Variants in EPS15L1 observed in about 807,000 individuals in gnomAD.
EPS15L1 encodes epidermal growth factor receptor pathway substrate 15 like 1.
Under a neutral mutation model 117.1 loss-of-function variants are expected in EPS15L1, and 43 were observed. The observed-to-expected ratio is 0.37, with a 90% CI of 0.29 to 0.47. The LOEUF (loss-of-function observed/expected upper bound fraction) is 0.47. Among genes scored for constraint, EPS15L1 ranks in the 20% least tolerant of loss-of-function variants. The pLI is 0.99. For synonymous variants in EPS15L1, 459 were observed against 470.5 expected (o/e 0.98, Z 0.32); for missense variants, 981 against 1,164.0 (o/e 0.84, Z 2.29).
intron 22 of EPS15L1, among the ~76,000 whole-genome samples, chr19:16,368,009 G>C (rs2092163210): frequency 6.6e-6 from 1 of 151,878 alleles, no homozygotes; most frequent in Non-Finnish European, 1.5e-5. Flanking sequence ...GTGTGTGTTT[G>C]ATCCTGGCTA....
chr19:16,385,103 G>A lies in EPS15L1; in HGVS notation c.2247+26C>T, dbSNP rs767190065. 2.8e-5 allele frequency: 45 copies of A among 1,596,770 alleles called. No individual in the cohort carries two copies. The Middle Eastern group carries it at 1.8e-3, about 65-fold the overall frequency. ...GAGGCACAAAGACACTAGCAGAGGC[G>A]CGGGGGCTCCGTGGAGGGGCTTTAC... On this transcript the variant is annotated intron_variant, in intron 21 of 23. Coordinates refer to ENST00000455140, the MANE Select transcript of EPS15L1 (RefSeq NM_001258374.3).
At chr19:16,364,435 C>T (rs1041164484) in intron 22 of EPS15L1, among the ~76,000 whole-genome samples, 3 of 152,180 alleles carry the variant, frequency 2.0e-5, no homozygotes, top group African/African-American at 7.2e-5. Flanking sequence ...CCAGATGTCC[C>T]TCCCACCTTC....
intron 15 of EPS15L1, 103 bp from the exon 16 acceptor site, chr19:16,402,588 C>T: frequency 1.7e-6 from 2 of 1,156,654 alleles, no homozygotes; most frequent in Non-Finnish European, 2.4e-6. Flanking sequence ...GTCACCCAGA[C>T]TGGAATGTAG....
At chr19:16,406,394 T>G (rs2092656783) in intron 13 of EPS15L1, among the ~76,000 whole-genome samples, 1 of 152,058 alleles carries the variant, frequency 6.6e-6, no homozygotes, top group Non-Finnish European at 1.5e-5. Flanking sequence ...AAACATAAAG[T>G]CAGGCGTGTC....
At chr19:16,419,772 C>G (rs750565169) in intron 10 of EPS15L1, among the ~76,000 whole-genome samples, 3 of 152,226 alleles carry the variant, frequency 2.0e-5, no homozygotes, top group Admixed American at 6.5e-5. Context: ...CCCCACAGTT[C>G]GAGGCCCTGA....
chr19:16,424,434 C>T (rs989854346), intron 9 of EPS15L1, among the ~76,000 whole-genome samples: 2 of 151,644 alleles, frequency 1.3e-5, no homozygotes, highest in African/African-American at 2.4e-5. Flanking sequence ...GTGACCTGTG[C>T]CTACCAGTGA....
At chr19:16,362,826 C>A (rs952297647) in intron 22 of EPS15L1, among the ~76,000 whole-genome samples, 62 of 152,050 alleles carry the variant, frequency 4.1e-4, no homozygotes, top group Non-Finnish European at 1.2e-4. Flanking sequence ...TCTTTTTTAG[C>A]CCCCACTTCT....
chr19:16,461,878 T>C (rs991839741), intron 1 of EPS15L1, among the ~76,000 whole-genome samples: 1 of 152,210 alleles, frequency 6.6e-6, no homozygotes, highest in Non-Finnish European at 1.5e-5. Flanking sequence ...TTCTGTCAAC[T>C]ACCCTCAAAG....
chr19:16,406,669 AC>A (rs2092659904), intron 13 of EPS15L1, among the ~76,000 whole-genome samples: 1 of 152,178 alleles, frequency 6.6e-6, no homozygotes, highest in African/African-American at 2.4e-5. Context: ...GGGCTCCAAC[AC>A]CTTTGGCCTG....
At position 16,471,839 on chromosome 19, in the gene EPS15L1, C is replaced by G. The variant is rs1015140177; in HGVS notation, c.33+74G>C. 1.1e-6 allele frequency: 1 copy of G among 884,462 alleles called. No homozygotes were observed. Among genetic ancestry groups the G allele is most frequent in the Admixed American group, 4.1e-5 (1 of 24,152 alleles). The allele number at this position is 884,462 out of a possible 1,614,324, so 54.8% of individuals were successfully genotyped here. ...GCCGCCGCCTGGCTGAGTCTCCCAG[C>G]GCCTCAGCCTCGCCGCACCGCTCGC... On this transcript the variant is annotated intron_variant, in intron 1 of 23. Coordinates refer to ENST00000455140, the MANE Select transcript of EPS15L1 (RefSeq NM_001258374.3). The surrounding 1 kb of genome is among the most constrained non-coding windows in gnomAD (Gnocchi z 4.8).
At chr19:16,368,803 C>T (rs1337889426) in intron 22 of EPS15L1, among the ~76,000 whole-genome samples, 3 of 152,216 alleles carry the variant, frequency 2.0e-5, no homozygotes. Context: ...GTCATTCACC[C>T]TACACAACAG....
intron 16 of EPS15L1, 43 bp from the exon 17 acceptor site, chr19:16,395,510 T>G: frequency 6.3e-7 from 1 of 1,596,564 alleles, no homozygotes; most frequent in Non-Finnish European, 8.6e-7. Context: ...TTATTATTTC[T>G]GAGTTAAAGC....
At chr19:16,429,897 C>T (rs1052035765) in intron 7 of EPS15L1, among the ~76,000 whole-genome samples, 2 of 152,270 alleles carry the variant, frequency 1.3e-5, no homozygotes, top group African/African-American at 2.4e-5. Flanking sequence ...GGATCATGCT[C>T]TGGGGTGTGG....
chr19:16,446,550 C>G (rs2093085182), intron 1 of EPS15L1, among the ~76,000 whole-genome samples: 1 of 152,204 alleles, frequency 6.6e-6, no homozygotes. Flanking sequence ...GGTAATATTA[C>G]TAGTCCAGTT....
At chr19:16,414,020 G>A (rs1365575533) in intron 12 of EPS15L1, among the ~76,000 whole-genome samples, 175 bp from the exon 13 acceptor site, 1 of 152,180 alleles carries the variant, frequency 6.6e-6, no homozygotes, top group African/African-American at 2.4e-5. Flanking sequence ...ACTGTAGGTA[G>A]GACCTGTGAC....
At chr19:16,428,030 G>C (rs2092889711) in intron 8 of EPS15L1, among the ~76,000 whole-genome samples, 1 of 147,172 alleles carries the variant, frequency 6.8e-6, no homozygotes. Context: ...GTGAAACCCT[G>C]TCTCTACTAA....
intron 15 of EPS15L1, among the ~76,000 whole-genome samples, chr19:16,403,143 G>A (rs894488927): frequency 3.3e-5 from 5 of 152,118 alleles, no homozygotes; most frequent in Non-Finnish European, 7.4e-5. Context: ...TGTGTAGACT[G>A]GATGCCCAGG....
intron 1 of EPS15L1, among the ~76,000 whole-genome samples, chr19:16,453,944 C>T (rs2093170713): frequency 6.6e-6 from 1 of 150,968 alleles, no homozygotes; most frequent in Admixed American, 6.6e-5. Flanking sequence ...CCTAATGGCA[C>T]AAGCTGCGTC....
chr19:16,399,866 C>A (rs999688207), intron 16 of EPS15L1, among the ~76,000 whole-genome samples: 1 of 152,088 alleles, frequency 6.6e-6, no homozygotes, highest in African/African-American at 2.4e-5. Context: ...TAAAAACTGG[C>A]TCCAGCATGC....
Sources: gnomAD v4.1 joint callset for allele counts (sites outside exome capture counted in the v4.1 genomes callset) on GRCh38, gnomAD v4.1.1 for gene constraint, Gnocchi (gnomAD v3.1) non-coding constraint, MANE v1.5 for transcripts, NCBI Gene and HGNC (gene_info 2026-07-23, HGNC 2026-07-21) for gene names.